Variants in SLC25A13 observed in about 807,000 individuals in gnomAD.
The protein encoded by SLC25A13 is solute carrier family 25 member 13, also known as electrogenic aspartate/glutamate antiporter SLC25A13, mitochondrial.
A neutral mutation model predicts 85.5 loss-of-function variants in SLC25A13; 70 were observed. The ratio of observed to expected loss-of-function variants is 0.82; its 90% CI spans 0.68 to 1.00. The LOEUF is 1.00. SLC25A13 is among the 50% of genes least tolerant of loss of function. The pLI is 0.00. For synonymous variants in SLC25A13, 259 were observed against 288.7 expected, an observed-to-expected ratio of 0.90 and a Z score of 1.04; for missense variants, 765 against 819.8, an observed-to-expected ratio of 0.93 and a Z score of 0.82.
intron 15 of SLC25A13, among the ~76,000 whole-genome samples, chr7:96,122,670 T>A (rs1031678755): frequency 7.9e-5 from 12 of 152,048 alleles, no homozygotes; most frequent in African/African-American, 2.9e-4. Context: ...TCCAGAAAAA[T>A]ATTTGACAGA....
chr7:96,237,009 T>C (rs1796769212), intron 3 of SLC25A13, among the ~76,000 whole-genome samples: 1 of 152,116 alleles, frequency 6.6e-6, no homozygotes, highest in South Asian at 2.1e-4. Context: ...TGTCCAAAGG[T>C]GCAACCCATG....
intron 4 of SLC25A13, among the ~76,000 whole-genome samples, chr7:96,217,366 G>A (rs1234675415): frequency 6.6e-6 from 1 of 152,132 alleles, no homozygotes; most frequent in African/African-American, 2.4e-5. Context: ...ATATGACTCA[G>A]CAATTCCACT....
Position 96,184,945 on chromosome 7 carries a change from G to C in SLC25A13, c.1000C>G (p.Leu334Val), listed in dbSNP as rs769297213. The change falls in exon 10 of 18, where the codon CTG becomes GTG. Residue 334 changes from leucine (L) to valine (V), a missense_variant. By Grantham distance (32) the Leu-to-Val change is conservative. Coordinates refer to ENST00000265631, the MANE Select transcript of SLC25A13 (RefSeq NM_014251.3). Reference protein sequence around the residue: ...QVAESAYRFGLGSVAGAVGAT... With the variant: ...QVAESAYRFGVGSVAGAVGAT... The stretch of plus-strand genomic sequence containing the variant: ...GACTAACCTCCAGCAACAGAACCCA[G>C]ACCAAACCTGTAGGCCGACTCTGCA... 7.4e-6 allele frequency: 12 copies of C among 1,614,032 alleles called. No homozygotes were observed. Among genetic ancestry groups the C allele is most frequent in the Non-Finnish European group, 1.0e-5 (12 of 1,180,004 alleles).
chr7:96,276,677 G>GA (rs1423915995), intron 3 of SLC25A13, among the ~76,000 whole-genome samples: 1 of 151,958 alleles, frequency 6.6e-6, no homozygotes, highest in African/African-American at 2.4e-5. Context: ...GACTGGTAGG[G>GA]AAAAAAAGAA....
intron 3 of SLC25A13, among the ~76,000 whole-genome samples, chr7:96,272,305 C>A (rs1005860205): frequency 6.6e-6 from 1 of 152,074 alleles, no homozygotes; most frequent in Non-Finnish European, 1.5e-5. Context: ...AAAATTTTCG[C>A]AGAGAGAGAC....
chr7:96,164,745 C>CACACACACACACA (rs71529818), intron 13 of SLC25A13, among the ~76,000 whole-genome samples: 1 of 151,332 alleles, frequency 6.6e-6, no homozygotes, highest in Non-Finnish European at 1.5e-5. Context: ...CACACACACA[C>CACACACACACACA]AAAAGAAGCA....
At chr7:96,185,159 T>A (rs1584424303) in intron 9 of SLC25A13, 148 bp from the exon 10 acceptor site, 1 of 566,686 alleles carries the variant, frequency 1.8e-6, no homozygotes, top group East Asian at 2.8e-5. Flanking sequence ...AAAGTAGGAA[T>A]GGATTTCATA....
chr7:96,193,431 T>G (rs1331748884), intron 5 of SLC25A13, among the ~76,000 whole-genome samples: 1 of 152,066 alleles, frequency 6.6e-6, no homozygotes, highest in Non-Finnish European at 1.5e-5. Flanking sequence ...CCCAATTACT[T>G]CCGTGCTCTC....
intron 1 of SLC25A13, among the ~76,000 whole-genome samples, chr7:96,316,778 A>G (rs957044642): frequency 6.6e-6 from 1 of 152,118 alleles, no homozygotes; most frequent in Non-Finnish European, 1.5e-5. Context: ...GTTCTCAAAT[A>G]AAAGTCTGGT....
intron 13 of SLC25A13, among the ~76,000 whole-genome samples, chr7:96,149,125 G>A (rs1051329504): frequency 6.6e-6 from 1 of 152,194 alleles, no homozygotes; most frequent in African/African-American, 2.4e-5. Flanking sequence ...TGTGCAGTGA[G>A]GCTGAGAATC....
At position 96,195,198 on chromosome 7, in the gene SLC25A13, T is replaced by C. The variant is rs1023407019; in HGVS notation, c.469-2015A>G. Among the ~76,000 whole-genome samples, 9 of 152,288 alleles carry C rather than the reference T, an allele frequency of 5.9e-5. No individual in the cohort carries two copies. The South Asian group carries it at 1.5e-3, about 25-fold the overall frequency. On this transcript the variant is annotated intron_variant, in intron 5 of 17. Transcript: ENST00000265631. ...AAATGACACATCGCTAACCCCATAT[T>C]GTAGATCCCCCAACCCAGTGCTCAA... is the stretch of plus-strand genomic sequence containing the variant.
At chr7:96,149,533 G>A (rs1334065419) in intron 13 of SLC25A13, among the ~76,000 whole-genome samples, 2 of 152,304 alleles carry the variant, frequency 1.3e-5, no homozygotes, top group East Asian at 3.9e-4. Flanking sequence ...AGAGCTGCAG[G>A]AGGCAGATGC....
Position 96,292,781 on chromosome 7 carries a change from G to T in SLC25A13, c.69+4117C>A, listed in dbSNP as rs536318320. Among the ~76,000 whole-genome samples the T allele has an allele frequency of 3.3e-5, 5 of 152,202 alleles. No homozygotes were observed. In the South Asian group the frequency reaches 1.0e-3, roughly 32 times the overall value. On this transcript the variant is annotated intron_variant, in intron 2 of 17. Coordinates refer to ENST00000265631, the MANE Select transcript of SLC25A13 (RefSeq NM_014251.3). ...ATCACTGCTCAATGAAATAAAAGAG[G>T]ATACAAACAAATGGAAGAACATTCC...
chr7:96,121,138 G>GTTCTTTA lies in SLC25A13; in HGVS notation c.*46_*52dup, dbSNP rs773526278. 7.0e-6 allele frequency: 11 copies of GTTCTTTA among 1,580,080 alleles called. No homozygotes were observed. The East Asian group carries it at 2.2e-4, about 32-fold the overall frequency. On this transcript the variant is annotated 3_prime_UTR_variant, in exon 18 of 18. Coordinates refer to ENST00000265631, the MANE Select transcript of SLC25A13 (RefSeq NM_014251.3). Reference sequence around the variant, plus strand: ...GCATTGCTTCATTCCCAGGAGGGATGTTCTTTACTGCAGTACCCACAAAAA... The same window carrying GTTCTTTA: ...GCATTGCTTCATTCCCAGGAGGGATGTTCTTTATTCTTTACTGCAGTACCCACAAAAA...
At chr7:96,224,070 G>A (rs1291436176) in intron 4 of SLC25A13, among the ~76,000 whole-genome samples, 1 of 152,104 alleles carries the variant, frequency 6.6e-6, no homozygotes, top group Non-Finnish European at 1.5e-5. Context: ...ACAGTAACAG[G>A]AAAGTGTCTG....
intron 3 of SLC25A13, among the ~76,000 whole-genome samples, chr7:96,245,282 C>G (rs1338965734): frequency 1.3e-5 from 2 of 152,158 alleles, no homozygotes; most frequent in Non-Finnish European, 2.9e-5. Flanking sequence ...CTTTCCCTCC[C>G]TGTAAAATAA....
chr7:96,229,387 GTAAAACAGACCAATCA>G, intron 4 of SLC25A13, among the ~76,000 whole-genome samples: 1 of 152,094 alleles, frequency 6.6e-6, no homozygotes, highest in Non-Finnish European at 1.5e-5. Flanking sequence ...TCAGCTCTCT[GTAAAACAGACCAATCA>G]GCTCTCTGTA....
chr7:96,208,141 C>G (rs562619377), intron 5 of SLC25A13, among the ~76,000 whole-genome samples: 1 of 152,158 alleles, frequency 6.6e-6, no homozygotes, highest in Non-Finnish European at 1.5e-5. Flanking sequence ...CTGTCCATTT[C>G]CAGGGGAAAA....
chr7:96,306,546 GATGGGAGTACAGCAGCCAA>G (rs2117015643), intron 1 of SLC25A13, among the ~76,000 whole-genome samples: 1 of 152,036 alleles, frequency 6.6e-6, no homozygotes, highest in Admixed American at 6.6e-5. Context: ...GTTCTCCTAC[GATGGGAGTACAGCAGCCAA>G]ACGGTAGAGA....
Sources: gnomAD v4.1 joint callset for allele counts (sites outside exome capture counted in the v4.1 genomes callset) on GRCh38, gnomAD v4.1.1 for gene constraint, MANE v1.5 for transcripts, NCBI Gene and HGNC (gene_info 2026-07-23, HGNC 2026-07-21) for gene names.